The following SLC1A7 variants were observed in gnomAD, a reference collection of about 807,000 sequenced individuals.
SLC1A7 encodes the protein solute carrier family 1 member 7.
A neutral mutation model predicts 47.7 loss-of-function variants in SLC1A7; 40 were observed. The observed-to-expected ratio is 0.84, with a 90% CI of 0.65 to 1.09. The LOEUF is 1.09. SLC1A7 is among the 50% of genes least tolerant of loss of function. SLC1A7 has a pLI of 0.00. For missense variants in SLC1A7, 746 were observed against 769.5 expected (o/e 0.97, Z 0.36); for synonymous variants, 323 against 325.6 (o/e 0.99, Z 0.09).
intron 2 of SLC1A7, chr1:53,115,960 GATTA>G (rs1431552515): frequency 1.3e-5 from 2 of 152,184 alleles, no homozygotes; most frequent in African/African-American, 4.8e-5. Flanking sequence ...GGTGAAGTGA[GATTA>G]ATTAAGGAAA....
At position 53,090,743 on chromosome 1, in the gene SLC1A7, G is replaced by A. The variant is rs568559062; in HGVS notation, c.1095C>T (p.Ile365=). ...LLENNHIDRR[I]ARFVLPVGAT... is the part of the protein sequence containing the mutation. ...CACCCACGGGCAGCACGAAGCGAGCGATGCGCCGGTCGATGTGGTTGTTCT... is the reference window on the plus strand; with the variant it reads ...CACCCACGGGCAGCACGAAGCGAGCAATGCGCCGGTCGATGTGGTTGTTCT... Residue 365 remains isoleucine, a synonymous_variant, in exon 8 of 11, where the codon ATC becomes ATT. Coordinates refer to ENST00000371494, the MANE Select transcript of SLC1A7 (RefSeq NM_006671.6). 501 of 1,613,794 alleles carry A rather than the reference G, an allele frequency of 3.1e-4. No individual in the cohort carries two copies. The highest frequency in any genetic ancestry group is 3.9e-4 in the Non-Finnish European group (457 of 1,179,904).
At chr1:53,108,745 A>T in intron 3 of SLC1A7, 1 of 682,592 alleles carries the variant, frequency 1.5e-6, no homozygotes. Context: ...AGGGCCTGGG[A>T]CCCTGGTGAC....
At chr1:53,091,070 G>T in intron 7 of SLC1A7, 2 of 952,022 alleles carry the variant, frequency 2.1e-6, no homozygotes, top group Non-Finnish European at 3.0e-6. Context: ...CTGCTGTGCC[G>T]AGGGATATGG....
At chr1:53,102,002 G>A (rs575573346) in intron 5 of SLC1A7, among the ~76,000 whole-genome samples, 2 of 152,304 alleles carry the variant, frequency 1.3e-5, no homozygotes, top group South Asian at 2.1e-4. Flanking sequence ...TTACACATGC[G>A]CAGCGAACGC....
chr1:53,126,536 A>G (rs980617091), intron 2 of SLC1A7, among the ~76,000 whole-genome samples: 1 of 152,252 alleles, frequency 6.6e-6, no homozygotes, highest in African/African-American at 2.4e-5. Flanking sequence ...GGTTCCCTGC[A>G]TGGTAAGCCC....
chr1:53,119,502 C>G (rs918009145), intron 2 of SLC1A7, among the ~76,000 whole-genome samples: 5 of 152,138 alleles, frequency 3.3e-5, no homozygotes, highest in Non-Finnish European at 2.9e-5. Flanking sequence ...GCACTCGACA[C>G]CATGCCTGGC....
intron 3 of SLC1A7, among the ~76,000 whole-genome samples, chr1:53,112,501 A>T (rs894085131): frequency 6.6e-6 from 1 of 152,228 alleles, no homozygotes; most frequent in Non-Finnish European, 1.5e-5. Flanking sequence ...GATACAGGGA[A>T]CGAGAGTTTC....
intron 7 of SLC1A7, 178 bp from the exon 8 acceptor site, chr1:53,090,984 C>T (rs753016917): frequency 6.7e-7 from 1 of 1,481,972 alleles, no homozygotes; most frequent in Non-Finnish European, 9.0e-7. Flanking sequence ...TTGGTTCTTC[C>T]TATGAGGGAG....
In SLC1A7 at chr1:53,088,148, A is replaced by G; in HGVS notation, c.1544T>C (p.Val515Ala). The G allele has an allele frequency of 6.2e-7, 1 of 1,613,446 alleles. No homozygotes were observed. Among genetic ancestry groups the G allele is most frequent in the East Asian group, 2.2e-5 (1 of 44,872 alleles). The part of the protein sequence containing the change: ...AAQQNGCVKS[V>A]AEASELTLGP... ...CAGGGTGAGCTCGGAGGCCTCGGCTACACTCTTCACACAGCCATTCTGCTG... is the reference window on the plus strand; with the variant it reads ...CAGGGTGAGCTCGGAGGCCTCGGCTGCACTCTTCACACAGCCATTCTGCTG... The change falls in exon 11 of 11, where the codon GTA (valine) becomes GCA (alanine). Residue 515 changes from valine (V) to alanine (A), a missense_variant. Coordinates refer to ENST00000371494, the MANE Select transcript of SLC1A7 (RefSeq NM_006671.6).
chr1:53,127,570 T>C (rs1415569991), intron 2 of SLC1A7, among the ~76,000 whole-genome samples: 1 of 152,160 alleles, frequency 6.6e-6, no homozygotes, highest in African/African-American at 2.4e-5. Flanking sequence ...CCTCCCGCAG[T>C]GTGGCAGTGC....
intron 5 of SLC1A7, among the ~76,000 whole-genome samples, chr1:53,098,828 C>T (rs1171604715): frequency 6.6e-6 from 1 of 151,848 alleles, no homozygotes; most frequent in Non-Finnish European, 1.5e-5. Flanking sequence ...TGCCTTGGTA[C>T]ACTCACACCG....
intron 2 of SLC1A7, among the ~76,000 whole-genome samples, chr1:53,131,634 G>C (rs984587894): frequency 5.3e-5 from 8 of 152,376 alleles, no homozygotes; most frequent in Admixed American, 1.3e-4. Flanking sequence ...ACCCAGCACA[G>C]GGCCAAGTGT....
chr1:53,139,086 CTGGTGGCG>C (rs1390573505), intron 1 of SLC1A7, among the ~76,000 whole-genome samples: 1 of 152,176 alleles, frequency 6.6e-6, no homozygotes, highest in Non-Finnish European at 1.5e-5. Flanking sequence ...CCTCACATTT[CTGGTGGCG>C]TGGCTTTCTG....
chr1:53,089,969 G>C (rs751868043), intron 8 of SLC1A7, 35 bp from the exon 9 acceptor site: 1 of 1,610,354 alleles, frequency 6.2e-7, no homozygotes, highest in African/African-American at 1.3e-5. Flanking sequence ...GGAGCAGCAG[G>C]AGGGGCAGGG....
At chr1:53,139,784 A>G (rs552789887) in intron 1 of SLC1A7, among the ~76,000 whole-genome samples, 59 of 151,810 alleles carry the variant, frequency 3.9e-4, no homozygotes, top group African/African-American at 1.4e-3. Flanking sequence ...GTCTCCTTTT[A>G]TATTCTCTTT....
At position 53,129,008 on chromosome 1, in the gene SLC1A7, G is replaced by A. The variant is rs952404595; in HGVS notation, c.215+5342C>T. 1.0e-4 allele frequency among the ~76,000 whole-genome samples: 14 copies of A among 139,882 alleles called. 3 individuals carry two copies. The highest frequency in any genetic ancestry group is 2.2e-4 in the South Asian group (1 of 4,450). 91.8% of individuals were successfully genotyped at this position (139,882 alleles called of 152,430 possible). On this transcript the variant is annotated intron_variant, in intron 2 of 10. Transcript: ENST00000371494. The stretch of plus-strand genomic sequence containing the variant: ...AGCCTGGCCAACATGGTGAAACCCC[G>A]TCTCTACTAAGAATTCAAAAATTTG...
rs558527690 is a variant in SLC1A7 at position 53,095,999 on chromosome 1, G to A, written c.698-2439C>T. Among the ~76,000 whole-genome samples, 108 of 131,352 alleles carry A rather than the reference G, an allele frequency of 8.2e-4. 1 individual carries two copies. Among genetic ancestry groups the A allele is most frequent in the African/African-American group, 3.1e-3 (104 of 33,800 alleles). 86.2% of individuals were successfully genotyped at this position (131,352 alleles called of 152,430 possible). ...CACCACCTTGGTACACACACACCCC[G>A]CCTCAGTACACTCACTCCACCTCAG... On this transcript the variant is annotated intron_variant, in intron 5 of 10. Coordinates refer to ENST00000371494, the MANE Select transcript of SLC1A7 (RefSeq NM_006671.6).
chr1:53,109,320 A>T (rs111850585), intron 3 of SLC1A7, among the ~76,000 whole-genome samples: 1,561 of 152,270 alleles, frequency 0.01, 6 homozygotes, highest in Non-Finnish European at 0.017. Flanking sequence ...CCCAGTCATT[A>T]CTTAATCTCT....
At chr1:53,137,142 C>G (rs1180892904) in intron 1 of SLC1A7, among the ~76,000 whole-genome samples, 1 of 152,032 alleles carries the variant, frequency 6.6e-6, no homozygotes, top group Admixed American at 6.6e-5. Context: ...CAAAAATTAG[C>G]TGGGCATGGT....
Sources: gnomAD v4.1 joint callset for allele counts (sites outside exome capture counted in the v4.1 genomes callset) on GRCh38, gnomAD v4.1.1 for gene constraint, MANE v1.5 for transcripts, NCBI Gene and HGNC (gene_info 2026-07-23, HGNC 2026-07-21) for gene names.